The following FGFR1OP2 variants were observed in gnomAD, a reference collection of about 807,000 sequenced individuals.
FGFR1OP2 encodes the protein FGFR1 oncogene partner 2.
In FGFR1OP2, 17 loss-of-function variants were observed where a neutral mutation model predicts 35.2. The ratio of observed to expected loss-of-function variants is 0.48; its 90% CI spans 0.33 to 0.73. The LOEUF is 0.73. Among genes scored for constraint, FGFR1OP2 ranks in the 30% least tolerant of loss-of-function variants. The pLI, the probability that FGFR1OP2 is intolerant of heterozygous loss-of-function variation, is 0.02. For missense variants in FGFR1OP2, 251 were observed against 307.3 expected (o/e 0.82, Z 1.37); for synonymous variants, 105 against 104.6 (o/e 1.00, Z -0.03).
chr12:26,941,725 A>G (rs1266201876), intron 1 of FGFR1OP2, among the ~76,000 whole-genome samples: 1 of 152,198 alleles, frequency 6.6e-6, no homozygotes, highest in African/African-American at 2.4e-5. Flanking sequence ...TATGTCTGGA[A>G]AATATTTGAA....
At chr12:26,942,030 T>TGTTG (rs1374518863) in intron 1 of FGFR1OP2, among the ~76,000 whole-genome samples, 1 of 152,088 alleles carries the variant, frequency 6.6e-6, no homozygotes, top group African/African-American at 2.4e-5. Context: ...CATTCAGCTT[T>TGTTG]GTTGGTTTGT....
At chr12:26,942,635 G>T (rs1283441287) in intron 1 of FGFR1OP2, among the ~76,000 whole-genome samples, 1 of 152,186 alleles carries the variant, frequency 6.6e-6, no homozygotes, top group African/African-American at 2.4e-5. Context: ...AGGCAATGTG[G>T]TATTGATGCA....
intron 1 of FGFR1OP2, among the ~76,000 whole-genome samples, 176 bp downstream of exon 1, chr12:26,938,886 C>A (rs1424794743): frequency 1.3e-5 from 2 of 152,112 alleles, no homozygotes; most frequent in Non-Finnish European, 2.9e-5. Context: ...CTCTCCGCGC[C>A]CCCCGACTCC....
At chr12:26,945,414 T>C (rs749320852) in intron 1 of FGFR1OP2, among the ~76,000 whole-genome samples, 5 of 152,234 alleles carry the variant, frequency 3.3e-5, no homozygotes, top group Non-Finnish European at 5.9e-5. Context: ...TGTATTTTCA[T>C]GTTTATTTAG....
At chr12:26,946,695 T>A (rs1387620821) in intron 1 of FGFR1OP2, among the ~76,000 whole-genome samples, 1 of 152,264 alleles carries the variant, frequency 6.6e-6, no homozygotes, top group Non-Finnish European at 1.5e-5. Flanking sequence ...ACCATACTAT[T>A]CACCTATTTA....
At position 26,947,068 on chromosome 12, in the gene FGFR1OP2, C is replaced by G. The variant is rs12302815; in HGVS notation, c.-14-7077C>G. ...ACTGTATGAACACATCATATTTACT[C>G]ATTTATCAGTTGAATAATATTGCTG... On this transcript the variant is annotated intron_variant, in intron 1 of 6. Coordinates refer to ENST00000229395, the MANE Select transcript of FGFR1OP2 (RefSeq NM_015633.3). Among the ~76,000 whole-genome samples the G allele has an allele frequency of 6.4e-3, 972 of 151,946 alleles. 13 individuals carry two copies. Among genetic ancestry groups the G allele is most frequent in the African/African-American group, 0.021 (887 of 41,422 alleles).
intron 6 of FGFR1OP2, 49 bp from the exon 7 acceptor site, chr12:26,964,547 A>G: frequency 3.2e-6 from 5 of 1,583,284 alleles, no homozygotes; most frequent in Non-Finnish European, 4.3e-6. Context: ...GTGATGTTGT[A>G]GCTACCTTGT....
chr12:26,959,752 A>G (rs1939076213), intron 4 of FGFR1OP2, among the ~76,000 whole-genome samples: 1 of 152,196 alleles, frequency 6.6e-6, no homozygotes, highest in African/African-American at 2.4e-5. Context: ...TTTCACTAAT[A>G]CATATTAATG....
At position 26,964,496 on chromosome 12, in the gene FGFR1OP2, T is replaced by G. The variant is rs1939145826; in HGVS notation, c.625-100T>G. Reference sequence around the variant, plus strand: ...ATGCCAATTACAGACCTTGCTTGTTTGTTATACCTTCATATGTTCAGTTTT... The same window carrying G: ...ATGCCAATTACAGACCTTGCTTGTTGGTTATACCTTCATATGTTCAGTTTT... On this transcript the variant is annotated intron_variant, in intron 6 of 6. Transcript: ENST00000229395. The G allele has an allele frequency of 2.2e-6, 3 of 1,336,804 alleles. No individual in the cohort carries two copies. In the Admixed American group the frequency reaches 6.5e-5, roughly 29 times the overall value. The allele number at this position is 1,336,804 out of a possible 1,614,324, so 82.8% of individuals were successfully genotyped here. A position where few individuals can be genotyped will look rare whatever the true frequency, so the allele number is the denominator to read the frequency against.
intron 1 of FGFR1OP2, among the ~76,000 whole-genome samples, chr12:26,952,578 T>C (rs1938950012): frequency 6.6e-6 from 1 of 152,202 alleles, no homozygotes; most frequent in African/African-American, 2.4e-5. Context: ...AATTGGCGAT[T>C]TAAATAACAG....
At chr12:26,951,834 A>G (rs1234949101) in intron 1 of FGFR1OP2, among the ~76,000 whole-genome samples, 1 of 152,170 alleles carries the variant, frequency 6.6e-6, no homozygotes, top group Non-Finnish European at 1.5e-5. Flanking sequence ...GTTATGTTTT[A>G]GTGTGTAAAG....
At chr12:26,954,393 A>G in intron 2 of FGFR1OP2, 100 bp downstream of exon 2, 1 of 1,393,570 alleles carries the variant, frequency 7.2e-7, no homozygotes. Context: ...AACATTCTCT[A>G]AAATTTTAAA....
intron 1 of FGFR1OP2, among the ~76,000 whole-genome samples, chr12:26,952,180 G>A (rs556203290): frequency 6.6e-6 from 1 of 150,462 alleles, no homozygotes; most frequent in Non-Finnish European, 1.5e-5. Flanking sequence ...GGATTAATGG[G>A]AGTTATAGTG....
At chr12:26,946,695 T>C (rs1387620821) in intron 1 of FGFR1OP2, among the ~76,000 whole-genome samples, 1 of 152,264 alleles carries the variant, frequency 6.6e-6, no homozygotes, top group Admixed American at 6.5e-5. Flanking sequence ...ACCATACTAT[T>C]CACCTATTTA....
chr12:26,957,609 A>T lies in FGFR1OP2; in HGVS notation c.262A>T (p.Thr88Ser), dbSNP rs1319245334. The change falls in exon 4 of 7, where the codon ACA becomes TCA. Residue 88 changes from threonine (T) to serine (S), a missense_variant. Transcript: ENST00000229395. ...AATATTATTCTTGATAGAATTACGT[A>T]CATCTCTGGAAGAACATCAGTCGGC... ...ELQQENKELR[T>S]SLEEHQSALE... 2 of 1,611,774 alleles carry T rather than the reference A, an allele frequency of 1.2e-6. No homozygotes were observed. The highest frequency in any genetic ancestry group is 1.7e-4 in the Middle Eastern group (1 of 5,886).
In FGFR1OP2 at chr12:26,957,725, A is replaced by G. The variant is rs1478072331; in HGVS notation, c.378A>G (p.Leu126=). Residue 126 remains leucine, a synonymous_variant, in exon 4 of 7, where the codon TTA becomes TTG. Coordinates refer to ENST00000229395, the MANE Select transcript of FGFR1OP2 (RefSeq NM_015633.3). The part of the protein sequence containing the change: ...KKDDPGIIMK[L]KEQHSKIDMV... ...ATGATCCGGGTATAATAATGAAGTT[A>G]AAAGAGCAGCACTCCAAGGTAATCC... is the stretch of plus-strand genomic sequence containing the variant. 9.3e-6 allele frequency: 15 copies of G among 1,613,454 alleles called. No homozygotes were observed. Among genetic ancestry groups the G allele is most frequent in the Admixed American group, 1.7e-5 (1 of 59,950 alleles).
intron 1 of FGFR1OP2, among the ~76,000 whole-genome samples, chr12:26,942,010 G>A (rs1301847337): frequency 1.3e-5 from 2 of 152,126 alleles, no homozygotes; most frequent in African/African-American, 4.8e-5. Flanking sequence ...TCCTTGCTTT[G>A]TGGTGCTGTC....
intron 3 of FGFR1OP2, 26 bp from the exon 4 acceptor site, chr12:26,957,575 A>G: frequency 1.9e-6 from 3 of 1,591,924 alleles, no homozygotes; most frequent in Non-Finnish European, 2.6e-6. Context: ...TCAAGTTGGA[A>G]TAAAATACAA....
intron 4 of FGFR1OP2, chr12:26,958,034 A>G (rs1939049951): frequency 4.4e-6 from 1 of 227,062 alleles, no homozygotes; most frequent in South Asian, 6.7e-5. Flanking sequence ...TCTCTTCAAC[A>G]TTATTTTTGT....
Sources: allele counts gnomAD v4.1 joint callset (sites outside exome capture counted in the v4.1 genomes callset), GRCh38; gene constraint gnomAD v4.1.1; transcripts MANE v1.5; gene names NCBI Gene and HGNC (gene_info 2026-07-23, HGNC 2026-07-21).